EFR3B: variants seen among roughly 807,000 people sequenced by gnomAD.
EFR3B encodes protein EFR3 homolog B.
A neutral mutation model predicts 104.7 loss-of-function variants in EFR3B; 64 were observed. The ratio of observed to expected loss-of-function variants is 0.61; its 90% confidence interval spans 0.50 to 0.75. EFR3B has a LOEUF of 0.75. EFR3B is among the 30% of genes least tolerant of loss of function. The probability of loss-of-function intolerance (pLI) is 0.00; values close to 1 mark genes in which losing one functional copy is unlikely to be tolerated. For missense variants in EFR3B, 750 were observed against 1,078.5 expected (o/e 0.70, Z 4.27); for synonymous variants, 385 against 417.9 (o/e 0.92, Z 0.96).
intron 1 of EFR3B, among the ~76,000 whole-genome samples, chr2:25,074,874 C>T (rs931592140): frequency 6.6e-6 from 1 of 152,072 alleles, no homozygotes; most frequent in African/African-American, 2.4e-5. Flanking sequence ...GTCTCCACCT[C>T]CTAAAGTGCT....
chr2:25,078,915 A>G (rs1358056131), intron 1 of EFR3B, among the ~76,000 whole-genome samples: 4 of 152,128 alleles, frequency 2.6e-5, no homozygotes, highest in African/African-American at 9.6e-5. Flanking sequence ...GGTCCCTGTC[A>G]CCAAAACATC....
Position 25,104,981 on chromosome 2 carries a change from A to G in EFR3B, c.363+1194A>G, listed in dbSNP as rs545418397. 1.4e-4 allele frequency among the ~76,000 whole-genome samples: 21 copies of G among 152,238 alleles called. No homozygotes were observed. In the South Asian group the frequency reaches 3.1e-3, roughly 23 times the overall value. On this transcript the variant is annotated intron_variant, in intron 4 of 22. Coordinates refer to ENST00000403714, the MANE Select transcript of EFR3B (RefSeq NM_014971.2). ...CTCCCACGCCCTGGTTGTCTTTAAT[A>G]TCTTGCTGTCTCTCCCATTCCTTCC...
At chr2:25,067,955 C>T (rs1043636118) in intron 1 of EFR3B, among the ~76,000 whole-genome samples, 1 of 152,134 alleles carries the variant, frequency 6.6e-6, no homozygotes, top group Non-Finnish European at 1.5e-5. Context: ...GCTGGGATTA[C>T]AGGTGTGAGC....
intron 1 of EFR3B, among the ~76,000 whole-genome samples, chr2:25,056,469 A>T (rs1412347062): frequency 6.7e-6 from 1 of 149,742 alleles, no homozygotes; most frequent in Non-Finnish European, 1.5e-5. Flanking sequence ...AAGAATGATG[A>T]AAAGGCCCTT....
chr2:25,082,577 C>G (rs1453073676), intron 1 of EFR3B, among the ~76,000 whole-genome samples: 1 of 152,182 alleles, frequency 6.6e-6, no homozygotes, highest in Admixed American at 6.5e-5. Flanking sequence ...GCCTCATAGA[C>G]TTTGACTTAC....
At chr2:25,088,553 C>G (rs1262214031) in intron 1 of EFR3B, among the ~76,000 whole-genome samples, 1 of 152,052 alleles carries the variant, frequency 6.6e-6, no homozygotes, top group Admixed American at 6.6e-5. Flanking sequence ...TGGCACTGGG[C>G]CTGGGGGAAA....
rs186053784 is a variant in EFR3B at position 25,111,938 on chromosome 2, G to A, written c.363+8151G>A. Among the ~76,000 whole-genome samples the A allele has an allele frequency of 1.8e-4, 28 of 152,332 alleles. 1 individual carries two copies. In the East Asian group the frequency reaches 4.6e-3, roughly 25 times the overall value. Reference sequence around the variant, plus strand: ...GAGCTCCAGAACTCAGATAATAAGCGTGTGCTGTTTTAAGCCACTAAATTG... The same window carrying A: ...GAGCTCCAGAACTCAGATAATAAGCATGTGCTGTTTTAAGCCACTAAATTG... On this transcript the variant is annotated intron_variant, in intron 4 of 22. Coordinates refer to ENST00000403714, the MANE Select transcript of EFR3B (RefSeq NM_014971.2).
chr2:25,146,173 T>TA (rs981211842), intron 19 of EFR3B: 2 of 151,158 alleles, frequency 1.3e-5, no homozygotes, highest in African/African-American at 4.9e-5. Context: ...CAGAAAGACT[T>TA]ACATGGTCCT....
At chr2:25,072,106 C>G (rs1461284378) in intron 1 of EFR3B, among the ~76,000 whole-genome samples, 2 of 152,220 alleles carry the variant, frequency 1.3e-5, no homozygotes, top group Non-Finnish European at 2.9e-5. Context: ...GCCAGTGTGG[C>G]TATGAAGCTC....
intron 1 of EFR3B, among the ~76,000 whole-genome samples, chr2:25,066,969 T>C (rs763381585): frequency 4.6e-5 from 7 of 152,212 alleles, no homozygotes; most frequent in Non-Finnish European, 1.0e-4. Flanking sequence ...AGGAGTTTTA[T>C]CCTGAAGAGA....
intron 6 of EFR3B, among the ~76,000 whole-genome samples, 195 bp from the exon 7 acceptor site, chr2:25,129,779 TC>T (rs1397970258): frequency 6.6e-6 from 1 of 152,158 alleles, no homozygotes; most frequent in Non-Finnish European, 1.5e-5. Context: ...TCTCCGGTCT[TC>T]CCCCACTTCC....
At chr2:25,113,689 AAAAG>A (rs1409607454) in intron 4 of EFR3B, among the ~76,000 whole-genome samples, 1 of 151,714 alleles carries the variant, frequency 6.6e-6, no homozygotes, top group East Asian at 1.9e-4. Context: ...AAAAGAAAAG[AAAAG>A]AAAAAAAAAG....
intron 1 of EFR3B, among the ~76,000 whole-genome samples, chr2:25,056,845 C>G (rs981943714): frequency 1.3e-5 from 2 of 152,114 alleles, no homozygotes; most frequent in Non-Finnish European, 2.9e-5. Context: ...CTGGGAGGCA[C>G]CAGCACTGTC....
intron 3 of EFR3B, among the ~76,000 whole-genome samples, chr2:25,096,038 T>C (rs1233267688): frequency 6.6e-6 from 1 of 151,584 alleles, no homozygotes; most frequent in Non-Finnish European, 1.5e-5. Flanking sequence ...TTTTTTGAGA[T>C]GGAGTCTCAG....
rs904001866 is a variant in EFR3B, at chr2:25,135,442, A to G, written c.1312-25A>G. ...CCTGAGAGGGACAGCATTCCTAGGC[A>G]TAGCTGTCCATACCTCCCTTGCAGG... On this transcript the variant is annotated intron_variant, in intron 12 of 22. Coordinates refer to ENST00000403714, the MANE Select transcript of EFR3B (RefSeq NM_014971.2). The G allele has an allele frequency of 7.7e-6, 12 of 1,551,024 alleles. No homozygotes were observed. In the African/African-American group the frequency reaches 9.6e-5, roughly 12 times the overall value.
Position 25,042,129 on chromosome 2 carries a change from G to A in EFR3B, c.-184G>A, listed in dbSNP as rs893803593. The A allele has an allele frequency of 1.8e-5, 8 of 439,870 alleles. No individual in the cohort carries two copies. Among genetic ancestry groups the A allele is most frequent in the East Asian group, 9.1e-5 (2 of 22,028 alleles). The allele number at this position is 439,870 out of a possible 1,614,324, so 27.2% of individuals were successfully genotyped here. A position where few individuals can be genotyped will look rare whatever the true frequency, so the allele number is the denominator to read the frequency against. ...GGCCGCTGCAGCCCGGCGCTGAATG[G>A]GCTGGCGGCGCCCGGCTCCGTCCTG... On this transcript the variant is annotated 5_prime_UTR_variant, in exon 1 of 23. Transcript: ENST00000403714. This position sits in a 1 kb window ranked among gnomAD's most constrained non-coding sequence, Gnocchi z 5.4.
At chr2:25,055,937 T>C (rs191853209) in intron 1 of EFR3B, among the ~76,000 whole-genome samples, 2 of 152,354 alleles carry the variant, frequency 1.3e-5, no homozygotes, top group Admixed American at 1.3e-4. Context: ...GAGGACACTA[T>C]CTTAATCAGC....
chr2:25,152,406 T>C (rs753427999), intron 21 of EFR3B, among the ~76,000 whole-genome samples: 17 of 152,202 alleles, frequency 1.1e-4, no homozygotes, highest in East Asian at 3.8e-4. Context: ...GCTTCTTCTA[T>C]TGATGAGCCG....
chr2:25,141,535 T>A lies in EFR3B; in HGVS notation c.1922+102T>A, dbSNP rs1005299610. 1.0e-5 allele frequency: 13 copies of A among 1,247,848 alleles called. No homozygotes were observed. In the African/African-American group the frequency reaches 1.8e-4, roughly 17 times the overall value. 77.3% of individuals were successfully genotyped at this position (1,247,848 alleles called of 1,614,324 possible). A position where few individuals can be genotyped will look rare whatever the true frequency, so the allele number is the denominator to read the frequency against. On this transcript the variant is annotated intron_variant, in intron 17 of 22. Coordinates refer to ENST00000403714, the MANE Select transcript of EFR3B (RefSeq NM_014971.2). The stretch of plus-strand genomic sequence containing the variant: ...GGGGTCAATGCCAGGAGGCTCAGAC[T>A]TCTGTGGACTCAAGGGCAGAAGGTG...
Sources: gnomAD v4.1 joint callset for allele counts (sites outside exome capture counted in the v4.1 genomes callset) on GRCh38, gnomAD v4.1.1 for gene constraint, Gnocchi (gnomAD v3.1) non-coding constraint, MANE v1.5 for transcripts, NCBI Gene and HGNC (gene_info 2026-07-23, HGNC 2026-07-21) for gene names.